GLG1: variants seen among roughly 807,000 people sequenced by gnomAD.
GLG1 encodes the protein golgi glycoprotein 1.
A neutral mutation model predicts 160.5 loss-of-function variants in GLG1; 38 were observed. That is an observed-to-expected ratio of 0.24 (90% CI 0.18 to 0.31). The LOEUF is 0.31. Ranked by LOEUF, GLG1 falls within the 10% of genes least tolerant of loss-of-function variation. The pLI is 1.00. For missense variants in GLG1, 1,373 were observed against 1,505.2 expected (o/e 0.91, Z 1.45); for synonymous variants, 644 against 543.4 (o/e 1.19, Z -2.57).
At chr16:74,512,028 G>A in intron 2 of GLG1, among the ~76,000 whole-genome samples, 1 of 151,872 alleles carries the variant, frequency 6.6e-6, no homozygotes, top group East Asian at 1.9e-4. Flanking sequence ...TCACAAGGAT[G>A]GGCAACAACC....
intron 2 of GLG1, among the ~76,000 whole-genome samples, chr16:74,518,270 G>A (rs573628812): frequency 6.6e-6 from 1 of 152,244 alleles, no homozygotes; most frequent in African/African-American, 2.4e-5. Flanking sequence ...GCACAAAGTT[G>A]GAGGCATCAT....
At chr16:74,601,239 T>C (rs1958431315) in intron 1 of GLG1, among the ~76,000 whole-genome samples, 1 of 152,004 alleles carries the variant, frequency 6.6e-6, no homozygotes, top group Admixed American at 6.6e-5. Flanking sequence ...ACCCAGAGAA[T>C]ATATACAGGA....
intron 2 of GLG1, among the ~76,000 whole-genome samples, chr16:74,525,767 A>G (rs2550820): frequency 0.96 from 141,336 of 146,546 alleles, 68,403 homozygotes; most frequent in East Asian, 1. Context: ...CCTTTATCAG[A>G]TATATGATTT....
chr16:74,458,266 C>T (rs1013493543), intron 23 of GLG1: 18 of 332,434 alleles, frequency 5.4e-5, no homozygotes, highest in Non-Finnish European at 8.3e-5. Flanking sequence ...TTGGCATTCC[C>T]GTATGTCATG....
chr16:74,486,360 G>A (rs112922087), intron 8 of GLG1, among the ~76,000 whole-genome samples: 7 of 152,328 alleles, frequency 4.6e-5, no homozygotes, highest in African/African-American at 1.4e-4. Flanking sequence ...AAAGACACTG[G>A]TATTAAGTCA....
chr16:74,496,601 C>T lies in GLG1; in HGVS notation c.818G>A (p.Gly273Asp), dbSNP rs187061091. Residue 273 changes from glycine to aspartate, a missense_variant, in exon 5 of 26, where the codon GGC becomes GAC. This residue lies in a region of GLG1 where 174 missense variants were observed against 229.9 expected (regional missense o/e 0.76). Coordinates refer to ENST00000422840, the MANE Select transcript of GLG1 (RefSeq NM_001145667.2). The stretch of plus-strand genomic sequence containing the variant: ...TCTTTCTTCTGCTTCTTTCACCAGG[C>T]CTTTCTCCAAGCATGATACCACCTC... ...QGEVVSCLEK[G>D]LVKEAEEREP... 1 of 1,613,314 alleles carries T rather than the reference C, an allele frequency of 6.2e-7. No individual in the cohort carries two copies. Among genetic ancestry groups the T allele is most frequent in the Admixed American group, 1.7e-5 (1 of 59,954 alleles).
At chr16:74,601,121 G>A (rs1254454160) in intron 1 of GLG1, among the ~76,000 whole-genome samples, 1 of 152,072 alleles carries the variant, frequency 6.6e-6, no homozygotes, top group African/African-American at 2.4e-5. Context: ...AACAATGTTT[G>A]GATTAATTGC....
At chr16:74,587,838 C>A (rs1159383599) in intron 1 of GLG1, among the ~76,000 whole-genome samples, 1 of 152,012 alleles carries the variant, frequency 6.6e-6, no homozygotes, top group Admixed American at 6.6e-5. Context: ...CCTGGCGACA[C>A]AGTGAGACTC....
chr16:74,462,393 G>A, intron 21 of GLG1, 95 bp downstream of exon 21: 1 of 1,218,948 alleles, frequency 8.2e-7, no homozygotes, highest in Non-Finnish European at 1.2e-6. Context: ...AAAGGTCTTG[G>A]GAAAACGGGA....
intron 16 of GLG1, 70 bp from the exon 17 acceptor site, chr16:74,469,133 G>A (rs2303277): frequency 7.3e-6 from 7 of 954,896 alleles, no homozygotes; most frequent in African/African-American, 3.2e-5. Context: ...CTGGGCTTGG[G>A]GGGGGTCACA....
chr16:74,499,127 T>C (rs1244837324), intron 4 of GLG1, among the ~76,000 whole-genome samples: 2 of 152,192 alleles, frequency 1.3e-5, no homozygotes, highest in Non-Finnish European at 2.9e-5. Flanking sequence ...TCATTTGAGT[T>C]GTAGAACATG....
At chr16:74,473,643 T>C (rs189472144) in intron 13 of GLG1, among the ~76,000 whole-genome samples, 22 of 152,112 alleles carry the variant, frequency 1.4e-4, no homozygotes, top group African/African-American at 4.1e-4. Flanking sequence ...GGTTTCACCG[T>C]GTTAGCCAGG....
intron 1 of GLG1, among the ~76,000 whole-genome samples, chr16:74,542,852 A>G (rs1473837255): frequency 2.0e-5 from 3 of 152,134 alleles, no homozygotes; most frequent in Non-Finnish European, 2.9e-5. Context: ...TGACAATACC[A>G]TTAATGTTTA....
rs1038832902 is a variant in GLG1 at position 74,565,989 on chromosome 16, G to A, written c.439-33836C>T. On this transcript the variant is annotated intron_variant, in intron 1 of 25. Coordinates refer to ENST00000422840, the MANE Select transcript of GLG1 (RefSeq NM_001145667.2). ...ATCTTGACTGTTTTGAGGAAACCTC[G>A]TCAGGTATTTTGTAGAACGTCCCTC... Among the ~76,000 whole-genome samples the A allele has an allele frequency of 8.5e-5, 13 of 152,306 alleles. No homozygotes were observed. In the East Asian group the frequency reaches 2.3e-3, roughly 27 times the overall value.
Position 74,453,143 on chromosome 16 carries a change from G to T in GLG1, c.*24C>A, listed in dbSNP as rs371297018. The stretch of plus-strand genomic sequence containing the variant: ...GTACAAACTGGGCACTGGATAGGTA[G>T]TTCCTTTGGTGGTCAAGGTGGCTCT... On this transcript the variant is annotated 3_prime_UTR_variant, in exon 26 of 26. Transcript: ENST00000422840. 30 of 1,611,354 alleles carry T rather than the reference G, an allele frequency of 1.9e-5. No homozygotes were observed. In the Middle Eastern group the frequency reaches 5.0e-4, roughly 27 times the overall value.
chr16:74,475,159 A>T, intron 12 of GLG1, among the ~76,000 whole-genome samples: 1 of 5,082 alleles, frequency 2.0e-4, no homozygotes, highest in Non-Finnish European at 1.1e-3. Context: ...CTCCGTCTCA[A>T]AAAAAAAAAA....
intron 17 of GLG1, 81 bp downstream of exon 17, chr16:74,468,865 T>A: frequency 1.2e-6 from 1 of 842,958 alleles, no homozygotes; most frequent in South Asian, 1.4e-5. Context: ...ATAAAATGCC[T>A]CCCCCTTGCC....
intron 1 of GLG1, among the ~76,000 whole-genome samples, chr16:74,542,712 A>AG (rs1233351958): frequency 0.15 from 5,683 of 36,798 alleles, 1,252 homozygotes; most frequent in African/African-American, 0.35. Context: ...GAGGAAGGGA[A>AG]GAAGGGAAGG....
intron 1 of GLG1, among the ~76,000 whole-genome samples, chr16:74,540,282 G>A (rs1418126843): frequency 6.8e-6 from 1 of 146,214 alleles, no homozygotes; most frequent in African/African-American, 2.5e-5. Context: ...AGTATTAAAT[G>A]TAAATTTTGA....
Sources: allele counts gnomAD v4.1 joint callset (sites outside exome capture counted in the v4.1 genomes callset), GRCh38; gene constraint gnomAD v4.1.1; regional missense constraint gnomAD v4.1.1; transcripts MANE v1.5; gene names NCBI Gene and HGNC (gene_info 2026-07-23, HGNC 2026-07-21).